The following TSPAN14 variants were observed in gnomAD, a reference collection of about 807,000 sequenced individuals.
TSPAN14 encodes tetraspanin-14.
Under a neutral mutation model 36.6 loss-of-function variants are expected in TSPAN14, and 16 were observed. The ratio of observed to expected loss-of-function variants is 0.44; its 90% CI spans 0.30 to 0.66. The LOEUF is 0.66. TSPAN14 is among the 30% of genes least tolerant of loss of function. TSPAN14 has a pLI of 0.12. For synonymous variants in TSPAN14, 139 were observed against 143.8 expected (o/e 0.97, Z 0.24); for missense variants, 231 against 355.1 (o/e 0.65, Z 2.81).
chr10:80,508,847 G>A (rs532132462), intron 4 of TSPAN14, among the ~76,000 whole-genome samples: 11 of 152,288 alleles, frequency 7.2e-5, no homozygotes, highest in Middle Eastern at 3.4e-3. Flanking sequence ...GTGTAGTGGG[G>A]AGTCATCAGA....
chr10:80,488,833 C>G (rs1005400979), intron 1 of TSPAN14, among the ~76,000 whole-genome samples: 6 of 152,164 alleles, frequency 3.9e-5, no homozygotes, highest in Non-Finnish European at 5.9e-5. Context: ...TGTCATTGCT[C>G]TCTTGTCCTT....
At chr10:80,513,249 G>T (rs914901006) in intron 6 of TSPAN14, among the ~76,000 whole-genome samples, 1 of 151,970 alleles carries the variant, frequency 6.6e-6, no homozygotes, top group Non-Finnish European at 1.5e-5. Flanking sequence ...ACGTCCTTGG[G>T]TTCCAGAAGC....
chr10:80,484,444 C>T (rs903110624), intron 1 of TSPAN14, among the ~76,000 whole-genome samples: 4 of 152,090 alleles, frequency 2.6e-5, no homozygotes, highest in Admixed American at 6.6e-5. Flanking sequence ...CCCGCCTCAG[C>T]CTCCCACGTA....
chr10:80,510,533 A>G (rs1840558281), intron 5 of TSPAN14, among the ~76,000 whole-genome samples: 1 of 152,170 alleles, frequency 6.6e-6, no homozygotes, highest in African/African-American at 2.4e-5. Context: ...TCATCCCTGC[A>G]TTGCCTTAAA....
At chr10:80,465,984 C>T (rs556334223) in intron 1 of TSPAN14, among the ~76,000 whole-genome samples, 5 of 152,202 alleles carry the variant, frequency 3.3e-5, no homozygotes, top group South Asian at 4.1e-4. Context: ...CACTCTCACC[C>T]GCTGTCTGAC....
chr10:80,514,091 A>C (rs1439754023), intron 7 of TSPAN14, 28 bp downstream of exon 7: 1 of 1,595,400 alleles, frequency 6.3e-7, no homozygotes, highest in African/African-American at 1.3e-5. Flanking sequence ...TACAACTTGA[A>C]GAGTTCTTTA....
chr10:80,520,993 GA>G, exon 9 of TSPAN14: 1 of 389,064 alleles, frequency 2.6e-6, no homozygotes, highest in Non-Finnish European at 5.1e-6. Context: ...GGGCTGGGCT[GA>G]AAAACCATCT....
chr10:80,459,845 T>C (rs1399259708), intron 1 of TSPAN14, among the ~76,000 whole-genome samples: 1 of 151,892 alleles, frequency 6.6e-6, no homozygotes, highest in Non-Finnish European at 1.5e-5. Context: ...GCAGTAGGAG[T>C]GTGTCTGTCC....
At position 80,516,194 on chromosome 10, in the gene TSPAN14, T is replaced by G; in HGVS notation, c.622-10T>G. On this transcript the variant is annotated splice_polypyrimidine_tract_variant and intron_variant, in intron 7 of 8. Coordinates refer to ENST00000429989, the Ensembl canonical transcript of TSPAN14. ...CCAAAGGCTCAGACCCCTGTGGTGT[T>G]TTCCTGCAGCTGAAGAGCAAGTGGG... is the stretch of plus-strand genomic sequence containing the variant. The G allele has an allele frequency of 2.5e-6, 4 of 1,614,182 alleles. No homozygotes were observed. Among genetic ancestry groups the G allele is most frequent in the Non-Finnish European group, 3.4e-6 (4 of 1,180,012 alleles).
At position 80,484,176 on chromosome 10, in the gene TSPAN14, C is replaced by T. The variant is rs149260414; in HGVS notation, c.-17-5041C>T. Reference sequence around the variant, plus strand: ...TAGAGAATCACTTGAACCAGGGAGGCGGAGGTTGCAGTGAGCTGAGTGCGC... The same window carrying T: ...TAGAGAATCACTTGAACCAGGGAGGTGGAGGTTGCAGTGAGCTGAGTGCGC... On this transcript the variant is annotated intron_variant, in intron 1 of 8. Coordinates refer to ENST00000429989, the Ensembl canonical transcript of TSPAN14. 6.0e-5 allele frequency among the ~76,000 whole-genome samples: 9 copies of T among 150,122 alleles called. 1 individual carries two copies. Among genetic ancestry groups the T allele is most frequent in the Admixed American group, 1.3e-4 (2 of 15,052 alleles).
chr10:80,518,476 G>T (rs1841072780), exon 9 of TSPAN14: 1 of 171,936 alleles, frequency 5.8e-6, no homozygotes, highest in Non-Finnish European at 1.3e-5. Context: ...AGGCGGACGT[G>T]GCCCCGCTGG....
At chr10:80,502,252 C>T (rs193089571) in intron 2 of TSPAN14, among the ~76,000 whole-genome samples, 19 of 152,112 alleles carry the variant, frequency 1.2e-4, no homozygotes, top group African/African-American at 1.2e-4. Flanking sequence ...AAGGAGATGC[C>T]GTGGGAGATG....
intron 1 of TSPAN14, among the ~76,000 whole-genome samples, chr10:80,456,781 G>A (rs1845751657): frequency 1.3e-5 from 2 of 152,210 alleles, no homozygotes; most frequent in Admixed American, 1.3e-4. Flanking sequence ...CAGCTGTGAT[G>A]GCTGGGCGTG....
At chr10:80,469,277 T>C (rs1846411243) in intron 1 of TSPAN14, among the ~76,000 whole-genome samples, 1 of 152,156 alleles carries the variant, frequency 6.6e-6, no homozygotes, top group Non-Finnish European at 1.5e-5. Context: ...CAGAATCAGG[T>C]TGTAAATATT....
intron 2 of TSPAN14, among the ~76,000 whole-genome samples, chr10:80,491,393 A>G (rs1184211557): frequency 1.3e-5 from 2 of 152,052 alleles, no homozygotes; most frequent in African/African-American, 4.8e-5. Context: ...AGGCAAGTAT[A>G]TGGTGGAGGT....
intron 6 of TSPAN14, among the ~76,000 whole-genome samples, chr10:80,512,946 A>C (rs910593231): frequency 6.6e-6 from 1 of 151,956 alleles, no homozygotes; most frequent in Non-Finnish European, 1.5e-5. Flanking sequence ...CTCAGGCTGG[A>C]GTGCAGTGGT....
At chr10:80,495,812 A>C (rs976158230) in intron 2 of TSPAN14, among the ~76,000 whole-genome samples, 1 of 152,212 alleles carries the variant, frequency 6.6e-6, no homozygotes, top group South Asian at 2.1e-4. Flanking sequence ...ATTCATTTCA[A>C]CTGTACAGTT....
intron 1 of TSPAN14, among the ~76,000 whole-genome samples, chr10:80,479,893 A>G (rs1236855984): frequency 6.7e-6 from 1 of 149,368 alleles, no homozygotes; most frequent in Non-Finnish European, 1.5e-5. Context: ...CAGTATGGCC[A>G]TTTTCATGAT....
chr10:80,468,108 G>C (rs192918828), intron 1 of TSPAN14, among the ~76,000 whole-genome samples: 35 of 152,256 alleles, frequency 2.3e-4, no homozygotes, highest in African/African-American at 7.5e-4. Context: ...TTCTTTTCCT[G>C]GTGACCTTTC....
Sources: gnomAD v4.1 joint callset for allele counts (sites outside exome capture counted in the v4.1 genomes callset) on GRCh38, gnomAD v4.1.1 for gene constraint, MANE v1.5 for transcripts, NCBI Gene and HGNC (gene_info 2026-07-23, HGNC 2026-07-21) for gene names.